Variants in PDE4B observed in about 807,000 individuals in gnomAD.
PDE4B encodes phosphodiesterase 4B.
PDE4B carries 20 observed loss-of-function variants against 82.2 expected under a neutral mutation model. The ratio of observed to expected loss-of-function variants is 0.24; its 90% confidence interval spans 0.17 to 0.35. The LOEUF is 0.35. Among genes scored for constraint, PDE4B ranks in the 10% least tolerant of loss-of-function variants. The pLI is 1.00. For synonymous variants in PDE4B, 320 were observed against 318.9 expected, an observed-to-expected ratio of 1.00 and a Z score of -0.04; for missense variants, 655 against 907.2, an observed-to-expected ratio of 0.72 and a Z score of 3.57.
chr1:66,302,343 C>T (rs1657956099), intron 7 of PDE4B, among the ~76,000 whole-genome samples: 1 of 152,142 alleles, frequency 6.6e-6, no homozygotes, highest in Non-Finnish European at 1.5e-5. Flanking sequence ...CATCTGTTAC[C>T]ACCACATACG....
At chr1:66,202,943 T>C (rs896648288) in intron 3 of PDE4B, among the ~76,000 whole-genome samples, 29 of 151,670 alleles carry the variant, frequency 1.9e-4, no homozygotes, top group African/African-American at 7.0e-4. Context: ...TTCCTAGCCT[T>C]GATGGTCTTT....
At chr1:65,907,801 T>C (rs975767191) in intron 1 of PDE4B, among the ~76,000 whole-genome samples, 1 of 152,140 alleles carries the variant, frequency 6.6e-6, no homozygotes, top group Non-Finnish European at 1.5e-5. Context: ...TTATTGTCAT[T>C]TCATAAATGG....
chr1:66,170,905 G>C (rs1355799811), intron 3 of PDE4B, among the ~76,000 whole-genome samples: 1 of 152,140 alleles, frequency 6.6e-6, no homozygotes, highest in Non-Finnish European at 1.5e-5. Context: ...GAGGAGTATG[G>C]CCATACATTT....
chr1:66,109,262 T>C (rs76868562), intron 3 of PDE4B, among the ~76,000 whole-genome samples: 4,851 of 152,042 alleles, frequency 0.032, 88 homozygotes, highest in East Asian at 0.08. Context: ...ATGTAGTTGG[T>C]GATGATGAGA....
At chr1:65,994,829 C>T (rs1048318397) in intron 3 of PDE4B, among the ~76,000 whole-genome samples, 5 of 151,990 alleles carry the variant, frequency 3.3e-5, no homozygotes, top group Admixed American at 2.6e-4. Flanking sequence ...GTTCTGAACA[C>T]AATAGTGTGA....
chr1:66,022,166 G>A (rs1653164515), intron 3 of PDE4B, among the ~76,000 whole-genome samples: 1 of 152,196 alleles, frequency 6.6e-6, no homozygotes, highest in Non-Finnish European at 1.5e-5. Flanking sequence ...TTTGTATCAT[G>A]AGACTTTGCT....
chr1:65,856,429 AGT>A (rs1387910945), intron 1 of PDE4B, among the ~76,000 whole-genome samples: 1 of 152,004 alleles, frequency 6.6e-6, no homozygotes, highest in African/African-American at 2.4e-5. Context: ...GAGAATATGC[AGT>A]GTTTGGTTTT....
chr1:65,856,120 C>G (rs1646389877), intron 1 of PDE4B, among the ~76,000 whole-genome samples: 1 of 152,096 alleles, frequency 6.6e-6, no homozygotes, highest in African/African-American at 2.4e-5. Flanking sequence ...CTCCCTAATA[C>G]CACTTGATGG....
At chr1:65,819,825 G>C (rs1054006689) in intron 1 of PDE4B, among the ~76,000 whole-genome samples, 1 of 152,106 alleles carries the variant, frequency 6.6e-6, no homozygotes, top group Admixed American at 6.5e-5. Flanking sequence ...GTTCTGTAAA[G>C]GGCATGAAAT....
intron 1 of PDE4B, among the ~76,000 whole-genome samples, chr1:65,848,085 A>T: frequency 6.6e-6 from 1 of 152,258 alleles, no homozygotes; most frequent in South Asian, 2.1e-4. Context: ...TTTTTTAATG[A>T]ACTATGAGGT....
chr1:66,359,935 T>TAAATATCTGTTA (rs1553176020), intron 9 of PDE4B, among the ~76,000 whole-genome samples: 1 of 152,154 alleles, frequency 6.6e-6, no homozygotes, highest in African/African-American at 2.4e-5. Context: ...AATTGCAAAA[T>TAAATATCTGTTA]AAATATCTGT....
intron 3 of PDE4B, among the ~76,000 whole-genome samples, chr1:66,126,542 AT>A (rs1260955020): frequency 6.6e-6 from 1 of 152,224 alleles, no homozygotes; most frequent in Non-Finnish European, 1.5e-5. Context: ...AAAAAGTAAA[AT>A]GATAATTTAT....
At chr1:66,234,416 G>A (rs1652237216) in intron 3 of PDE4B, among the ~76,000 whole-genome samples, 1 of 152,142 alleles carries the variant, frequency 6.6e-6, no homozygotes, top group African/African-American at 2.4e-5. Flanking sequence ...AGCCTCCCAT[G>A]TAGCTGGGAC....
At chr1:66,238,632 G>C (rs1273455411) in intron 3 of PDE4B, among the ~76,000 whole-genome samples, 2 of 152,120 alleles carry the variant, frequency 1.3e-5, no homozygotes, top group Non-Finnish European at 2.9e-5. Context: ...AACTGAAAAG[G>C]AGAAAGGAGG....
intron 3 of PDE4B, among the ~76,000 whole-genome samples, chr1:66,229,240 A>T (rs906688754): frequency 1.4e-4 from 21 of 151,334 alleles, no homozygotes; most frequent in African/African-American, 4.4e-4. Flanking sequence ...TGATCTCCTG[A>T]CCTCGTGATC....
intron 1 of PDE4B, among the ~76,000 whole-genome samples, chr1:65,815,021 TTTTATTTATTTA>T (rs138553972): frequency 0.68 from 98,000 of 145,016 alleles, 34,390 homozygotes; most frequent in Non-Finnish European, 0.78. Context: ...TCAACACACA[TTTTATTTATTTA>T]TTTATTTATT....
chr1:66,356,878 A>G (rs998610279), intron 9 of PDE4B, among the ~76,000 whole-genome samples: 3 of 152,230 alleles, frequency 2.0e-5, no homozygotes, highest in Non-Finnish European at 4.4e-5. Context: ...TTGTCAGAGA[A>G]CAAAGGAGAA....
chr1:66,155,793 A>C (rs1439541712), intron 3 of PDE4B, among the ~76,000 whole-genome samples: 2 of 152,052 alleles, frequency 1.3e-5, no homozygotes, highest in East Asian at 3.9e-4. Context: ...TCTAACTTCA[A>C]ATGAGTTCTC....
At chr1:65,970,418 G>A (rs969576454) in intron 3 of PDE4B, among the ~76,000 whole-genome samples, 61 of 152,110 alleles carry the variant, frequency 4.0e-4, no homozygotes, top group African/African-American at 1.4e-3. Flanking sequence ...TGGCAGGGAG[G>A]TATTAGTGTA....
Sources: allele counts gnomAD v4.1 joint callset (sites outside exome capture counted in the v4.1 genomes callset), GRCh38; gene constraint gnomAD v4.1.1; transcripts MANE v1.5; gene names NCBI Gene and HGNC (gene_info 2026-07-23, HGNC 2026-07-21).